Variants in NCOA1 observed in about 807,000 individuals in gnomAD.
NCOA1 encodes nuclear receptor coactivator 1.
In NCOA1, 35 loss-of-function variants were observed where a neutral mutation model predicts 150.9. That is an observed-to-expected ratio of 0.23 (90% CI 0.18 to 0.31). The LOEUF is 0.31. Among genes scored for constraint, NCOA1 ranks in the 10% least tolerant of loss-of-function variants. The pLI is 1.00. For missense variants in NCOA1, 1,491 were observed against 1,749.3 expected (o/e 0.85, Z 2.63); for synonymous variants, 590 against 630.0 (o/e 0.94, Z 0.95).
rs747050033 is a variant in NCOA1 at position 24,729,549 on chromosome 2, A to G, written c.2935A>G (p.Thr979Ala). 1.9e-6 allele frequency: 3 copies of G among 1,614,114 alleles called. No homozygotes were observed. Among genetic ancestry groups the G allele is most frequent in the East Asian group, 2.2e-5 (1 of 44,886 alleles). ...LSERFPPQQA[T>A]PPLIMEERPN... ...AGAGAGATTTCCACCACAACAAGCA[A>G]CGCCACCTTTGATCATGGAAGAAAG... Residue 979 changes from threonine to alanine, a missense_variant, in exon 17 of 23, where the codon ACG (threonine) becomes GCG (alanine). Thr to Ala is a moderately conservative substitution (Grantham distance 58). Transcript: ENST00000348332.
chr2:24,517,002 G>A (rs866958742), intron 1 of NCOA1, among the ~76,000 whole-genome samples: 1 of 25,730 alleles, frequency 3.9e-5, no homozygotes, highest in Non-Finnish European at 1.3e-4. Flanking sequence ...ATACACACGC[G>A]CGCACACACA....
intron 3 of NCOA1, among the ~76,000 whole-genome samples, chr2:24,601,120 A>T (rs1668094815): frequency 1.3e-5 from 2 of 151,610 alleles, no homozygotes; most frequent in Admixed American, 6.6e-5. Flanking sequence ...TTTTTTTTTT[A>T]AATGCTGTTC....
chr2:24,613,501 T>C (rs1668732331), intron 3 of NCOA1, among the ~76,000 whole-genome samples: 1 of 152,032 alleles, frequency 6.6e-6, no homozygotes, highest in African/African-American at 2.4e-5. Flanking sequence ...CACCCAGAGG[T>C]GGTCCTAGGC....
Position 24,517,670 on chromosome 2 carries a change from C to T in NCOA1, c.-396+26068C>T, listed in dbSNP as rs1230071651. Reference sequence around the variant, plus strand: ...AGGTTGTTCTTAGGAAGATTTTACTCAAAGCCACCAGAGCACACATGTGAA... The same window carrying T: ...AGGTTGTTCTTAGGAAGATTTTACTTAAAGCCACCAGAGCACACATGTGAA... On this transcript the variant is annotated intron_variant, in intron 1 of 22. Coordinates refer to ENST00000348332, the MANE Select transcript of NCOA1 (RefSeq NM_003743.5). Among the ~76,000 whole-genome samples the T allele has an allele frequency of 2.6e-5, 4 of 152,312 alleles. No homozygotes were observed. In the East Asian group the frequency reaches 7.7e-4, roughly 29 times the overall value.
At position 24,612,456 on chromosome 2, in the gene NCOA1, T is replaced by C. The variant is rs539693488; in HGVS notation, c.-175+27896T>C. Among the ~76,000 whole-genome samples the C allele has an allele frequency of 1.3e-3, 192 of 152,332 alleles. 1 individual carries two copies. In the Middle Eastern group the frequency reaches 0.034, roughly 27 times the overall value. ...ACCTCTCTTGCAAGATTCGGGAAAT[T>C]TTCTTGAATTATTCCCTCAAATGTG... On this transcript the variant is annotated intron_variant, in intron 3 of 22. Coordinates refer to ENST00000348332, the MANE Select transcript of NCOA1 (RefSeq NM_003743.5).
intron 1 of NCOA1, among the ~76,000 whole-genome samples, chr2:24,514,392 TA>T (rs1664074020): frequency 6.6e-6 from 1 of 151,838 alleles, no homozygotes; most frequent in Non-Finnish European, 1.5e-5. Context: ...CTTCATTACC[TA>T]TATATTACTC....
At chr2:24,629,817 C>CATATACATAT (rs1553439184) in intron 3 of NCOA1, among the ~76,000 whole-genome samples, 3 of 79,340 alleles carry the variant, frequency 3.8e-5, no homozygotes, top group Admixed American at 1.8e-4. Context: ...AACATACATA[C>CATATACATAT]ATATATATAT....
At chr2:24,708,178 T>C (rs1673554725) in intron 13 of NCOA1, among the ~76,000 whole-genome samples, 1 of 152,150 alleles carries the variant, frequency 6.6e-6, no homozygotes. Context: ...TCCCTGCCCC[T>C]CTCTCCCAGC....
chr2:24,529,440 G>C (rs1464282956), intron 1 of NCOA1, among the ~76,000 whole-genome samples: 1 of 152,138 alleles, frequency 6.6e-6, no homozygotes, highest in African/African-American at 2.4e-5. Context: ...TGATCCTCCC[G>C]CCCTGGCCTC....
At chr2:24,493,108 C>T (rs1663052139) in intron 1 of NCOA1, among the ~76,000 whole-genome samples, 1 of 152,194 alleles carries the variant, frequency 6.6e-6, no homozygotes, top group Non-Finnish European at 1.5e-5. Flanking sequence ...CTTGGATCTT[C>T]AACTAGAAAT....
intron 4 of NCOA1, among the ~76,000 whole-genome samples, chr2:24,655,004 A>C (rs1473972059): frequency 6.6e-6 from 1 of 151,608 alleles, no homozygotes; most frequent in African/African-American, 2.4e-5. Context: ...TTTTTGCTTT[A>C]TTTTTCTCCA....
intron 1 of NCOA1, among the ~76,000 whole-genome samples, chr2:24,522,779 A>G (rs1664470009): frequency 2.0e-5 from 3 of 152,240 alleles, no homozygotes; most frequent in Admixed American, 2.0e-4. Flanking sequence ...AATGTTTTCT[A>G]GTAATTCATA....
chr2:24,513,933 A>G (rs1031304722), intron 1 of NCOA1, among the ~76,000 whole-genome samples: 2 of 152,174 alleles, frequency 1.3e-5, no homozygotes, highest in African/African-American at 2.4e-5. Flanking sequence ...CTCAGGATCT[A>G]TGACTAACTT....
chr2:24,653,769 TC>T (rs1670806231), intron 4 of NCOA1, among the ~76,000 whole-genome samples: 1 of 152,118 alleles, frequency 6.6e-6, no homozygotes, highest in African/African-American at 2.4e-5. Flanking sequence ...TAACCTAATT[TC>T]ATTGGAGGCC....
chr2:24,718,537 A>G (rs1206978616), intron 14 of NCOA1, among the ~76,000 whole-genome samples: 2 of 152,220 alleles, frequency 1.3e-5, no homozygotes, highest in East Asian at 3.9e-4. Context: ...TTTATTCAAA[A>G]TAGCCCCAAA....
At chr2:24,638,180 C>CT (rs544369191) in intron 3 of NCOA1, among the ~76,000 whole-genome samples, 1,410 of 89,448 alleles carry the variant, frequency 0.016, 78 homozygotes, top group East Asian at 0.029. Context: ...ATGAGATCAA[C>CT]TTTTTTTTTT....
At chr2:24,637,810 C>T (rs1441455197) in intron 3 of NCOA1, among the ~76,000 whole-genome samples, 1 of 152,148 alleles carries the variant, frequency 6.6e-6, no homozygotes, top group Non-Finnish European at 1.5e-5. Flanking sequence ...ATTCTCCTGC[C>T]TCAGCTTCCC....
chr2:24,533,933 G>T (rs1287616300), intron 1 of NCOA1, among the ~76,000 whole-genome samples: 1 of 152,162 alleles, frequency 6.6e-6, no homozygotes, highest in African/African-American at 2.4e-5. Flanking sequence ...CCAGGCTTTG[G>T]TATCAGGATG....
rs149981709 is a variant in NCOA1, at chr2:24,499,752, T to C, written c.-396+8150T>C. Among the ~76,000 whole-genome samples the C allele has an allele frequency of 4.7e-3, 723 of 152,332 alleles. 6 individuals carry two copies. The highest frequency in any genetic ancestry group is 7.8e-3 in the Non-Finnish European group (530 of 68,022). On this transcript the variant is annotated intron_variant, in intron 1 of 22. Coordinates refer to ENST00000348332, the MANE Select transcript of NCOA1 (RefSeq NM_003743.5). ...CTGATTTATTTATGCCTTGCCATGT[T>C]CCAAAAAGGATTTAAGGCAGGATGT... is the stretch of plus-strand genomic sequence containing the variant.
Sources: allele counts gnomAD v4.1 joint callset (sites outside exome capture counted in the v4.1 genomes callset), GRCh38; gene constraint gnomAD v4.1.1; transcripts MANE v1.5; gene names NCBI Gene and HGNC (gene_info 2026-07-23, HGNC 2026-07-21).